PCDHGA8: variants seen among roughly 807,000 people sequenced by gnomAD.
PCDHGA8 encodes the protein protocadherin gamma-A8.
A neutral mutation model predicts 59.2 loss-of-function variants in PCDHGA8; 45 were observed. That is an observed-to-expected ratio of 0.76 (90% CI 0.60 to 0.98). The LOEUF (loss-of-function observed/expected upper bound fraction) is 0.98, where lower values mean the gene tolerates loss of function less well. Ranked by LOEUF, PCDHGA8 falls within the 50% of genes least tolerant of loss-of-function variation. The pLI, the probability that PCDHGA8 is intolerant of heterozygous loss-of-function variation, is 0.00. For synonymous variants in PCDHGA8, 531 were observed against 519.0 expected (o/e 1.02, Z -0.32); for missense variants, 1,257 against 1,196.2 (o/e 1.05, Z -0.75).
At chr5:141,413,219 G>C in intron 1 of PCDHGA8, 1 of 1,613,506 alleles carries the variant, frequency 6.2e-7, no homozygotes, top group Non-Finnish European at 8.5e-7. Context: ...AAGGATTGCA[G>C]CGGGCTGGTC....
chr5:141,405,418 T>C (rs2094662415), intron 1 of PCDHGA8: 1 of 1,508,444 alleles, frequency 6.6e-7, no homozygotes, highest in South Asian at 1.2e-5. Context: ...TTTTTTTGTT[T>C]TTTGTTTTGT....
At position 141,409,564 on chromosome 5, in the gene PCDHGA8, G is replaced by C. The variant is rs374234556; in HGVS notation, c.2424+14327G>C. ...ACGACAACGCCCCAGTTTTCGACCA[G>C]ACGTCCTACGTGGTCCACGTGGCCG... On this transcript the variant is annotated intron_variant, in intron 1 of 3. Coordinates refer to ENST00000398604, the MANE Select transcript of PCDHGA8 (RefSeq NM_032088.2). The C allele has an allele frequency of 4.0e-5, 64 of 1,613,870 alleles. No individual in the cohort carries two copies. Among genetic ancestry groups the C allele is most frequent in the Non-Finnish European group, 5.2e-5 (61 of 1,179,914 alleles).
chr5:141,464,853 C>A (rs1441161135), intron 1 of PCDHGA8, among the ~76,000 whole-genome samples: 1 of 151,778 alleles, frequency 6.6e-6, no homozygotes, highest in East Asian at 1.9e-4. Flanking sequence ...ATCCTCCTAC[C>A]TTAGCCTCCC....
At chr5:141,420,001 C>T in intron 1 of PCDHGA8, 1 of 1,614,084 alleles carries the variant, frequency 6.2e-7, no homozygotes, top group Non-Finnish European at 8.5e-7. Flanking sequence ...TTGCTCTACG[C>T]CTGCGACAGT....
intron 1 of PCDHGA8, chr5:141,410,443 T>A (rs1207487083): frequency 6.2e-7 from 1 of 1,613,926 alleles, no homozygotes; most frequent in Non-Finnish European, 8.5e-7. Context: ...GTGAGGGGAC[T>A]TTGCCTTATT....
intron 1 of PCDHGA8, chr5:141,430,546 G>A (rs1323295073): frequency 2.5e-6 from 1 of 402,156 alleles, no homozygotes; most frequent in Non-Finnish European, 4.4e-6. Context: ...GAGCGCCGCT[G>A]TTCACCAATC....
chr5:141,408,346 G>T (rs1248648378), intron 1 of PCDHGA8: 1 of 1,613,824 alleles, frequency 6.2e-7, no homozygotes, highest in African/African-American at 1.3e-5. Context: ...CGGTGGTGGG[G>T]AACCTCGCTA....
Position 141,485,152 on chromosome 5 carries a change from A to C in PCDHGA8, c.2425-9655A>C. ...CTTCATCCGCGTCTCAGGAGCAAGT[A>C]GAGAATTAGCGGGCGGCAGCAATGC... On this transcript the variant is annotated intron_variant, in intron 1 of 3. Coordinates refer to ENST00000398604, the MANE Select transcript of PCDHGA8 (RefSeq NM_032088.2). The surrounding 1 kb of genome is among the most constrained non-coding windows in gnomAD (Gnocchi z 5.7). 8.8e-6 allele frequency: 14 copies of C among 1,586,038 alleles called. No individual in the cohort carries two copies. The highest frequency in any genetic ancestry group is 1.0e-5 in the Non-Finnish European group (12 of 1,157,128).
chr5:141,410,295 T>C (rs1043971768), intron 1 of PCDHGA8: 2 of 1,613,982 alleles, frequency 1.2e-6, no homozygotes, highest in East Asian at 2.2e-5. Context: ...GCCTTGGCCT[T>C]AATCTCAGTG....
chr5:141,433,204 C>CT, intron 1 of PCDHGA8: 2 of 1,566,944 alleles, frequency 1.3e-6, no homozygotes, highest in Admixed American at 2.0e-5. Flanking sequence ...ATCAAATCTT[C>CT]TTTCTTTTTT....
At chr5:141,478,443 C>T (rs2099456258) in intron 1 of PCDHGA8, 3 of 1,613,494 alleles carry the variant, frequency 1.9e-6, no homozygotes, top group Admixed American at 1.7e-5. Flanking sequence ...CTGAAGAAAC[C>T]TGGTGCAGCC....
At position 141,413,553 on chromosome 5, in the gene PCDHGA8, A is replaced by G; in HGVS notation, c.2424+18316A>G. On this transcript the variant is annotated intron_variant, in intron 1 of 3. Coordinates refer to ENST00000398604, the MANE Select transcript of PCDHGA8 (RefSeq NM_032088.2). ...TGAAACTTTTTGGGATAGAAATAGA[A>G]GTAACTGATATCAATGACAATGCTC... The G allele has an allele frequency of 6.2e-7, 1 of 1,613,938 alleles. No individual in the cohort carries two copies. Among genetic ancestry groups the G allele is most frequent in the Non-Finnish European group, 8.5e-7 (1 of 1,179,902 alleles).
chr5:141,423,268 T>G (rs752667215), intron 1 of PCDHGA8: 1 of 1,613,552 alleles, frequency 6.2e-7, no homozygotes, highest in South Asian at 1.1e-5. Flanking sequence ...CAGCCTCGAG[T>G]CTCTGGCTAA....
intron 1 of PCDHGA8, among the ~76,000 whole-genome samples, chr5:141,474,672 T>C (rs1203448521): frequency 2.0e-5 from 3 of 152,228 alleles, no homozygotes; most frequent in Non-Finnish European, 4.4e-5. Flanking sequence ...ACCTAACCTA[T>C]GTGCCTACCC....
chr5:141,454,097 C>T (rs1021353610), intron 1 of PCDHGA8, among the ~76,000 whole-genome samples: 10 of 152,292 alleles, frequency 6.6e-5, no homozygotes, highest in Middle Eastern at 3.4e-3. Flanking sequence ...TTGAATTGAA[C>T]ATAAATGGAG....
chr5:141,413,441 T>C (rs760538286), intron 1 of PCDHGA8: 1 of 1,614,056 alleles, frequency 6.2e-7, no homozygotes, highest in Non-Finnish European at 8.5e-7. Flanking sequence ...GGCAGCTTGA[T>C]CACCGCGGGC....
rs146235929 is a variant in PCDHGA8 at position 141,511,610 on chromosome 5, C to A, written c.*437C>A. On this transcript the variant is annotated 3_prime_UTR_variant, in exon 4 of 4. Transcript: ENST00000398604. ...GAAGTACCAAGTAACCTACAAGCCT[C>A]CTAGTTCTGAAAAGTTGGAAGGGCA... 1.0e-3 allele frequency: 247 copies of A among 237,682 alleles called. 1 individual carries two copies. The highest frequency in any genetic ancestry group is 5.2e-3 in the African/African-American group (235 of 45,400). The allele number at this position is 237,682 out of a possible 1,614,324, so 14.7% of individuals were successfully genotyped here. A position where few individuals can be genotyped will look rare whatever the true frequency, so the allele number is the denominator to read the frequency against.
chr5:141,407,601 A>G (rs886898088), intron 1 of PCDHGA8, among the ~76,000 whole-genome samples: 3 of 152,168 alleles, frequency 2.0e-5, no homozygotes, highest in African/African-American at 7.2e-5. Flanking sequence ...CATCTTAAAA[A>G]GAAGCATTGG....
In PCDHGA8 at chr5:141,421,687, G is replaced by C. The variant is rs763146085; in HGVS notation, c.2424+26450G>C. On this transcript the variant is annotated intron_variant, in intron 1 of 3. Coordinates refer to ENST00000398604, the MANE Select transcript of PCDHGA8 (RefSeq NM_032088.2). ...GCACGCAATTCCTGGGGCGCGATTT[G>C]CTCTTCCTAATGCTAGGGATCCAGA... 1.3e-5 allele frequency: 21 copies of C among 1,613,788 alleles called. No individual in the cohort carries two copies. Among genetic ancestry groups the C allele is most frequent in the Non-Finnish European group, 1.8e-5 (21 of 1,179,860 alleles).
Sources: allele counts gnomAD v4.1 joint callset (sites outside exome capture counted in the v4.1 genomes callset), GRCh38; gene constraint gnomAD v4.1.1; non-coding constraint Gnocchi (gnomAD v3.1); transcripts MANE v1.5; gene names NCBI Gene and HGNC (gene_info 2026-07-23, HGNC 2026-07-21).